The following ARMC2 variants were observed in gnomAD, a reference collection of about 807,000 sequenced individuals.
ARMC2 encodes armadillo repeat-containing protein 2.
ARMC2 carries 67 observed loss-of-function variants against 90.3 expected under a neutral mutation model. That is an observed-to-expected ratio of 0.74 (90% CI 0.61 to 0.91). The LOEUF (loss-of-function observed/expected upper bound fraction) is 0.91. ARMC2 is among the 40% of genes least tolerant of loss of function. The pLI, the probability that ARMC2 is intolerant of heterozygous loss-of-function variation, is 0.00. For missense variants in ARMC2, 920 were observed against 1,030.9 expected (o/e 0.89, Z 1.47); for synonymous variants, 393 against 393.0 (o/e 1.00, Z 0.00).
chr6:108,985,265 T>G, the ARMC2 span, among the ~76,000 whole-genome samples: 2 of 151,374 alleles, frequency 1.3e-5, no homozygotes, highest in Non-Finnish European at 3.0e-5. Flanking sequence ...TAATAAAAAA[T>G]TTTCCCAAAT....
At chr6:108,897,400 A>G (rs1440654562) in intron 6 of ARMC2, among the ~76,000 whole-genome samples, 1 of 152,232 alleles carries the variant, frequency 6.6e-6, no homozygotes, top group Non-Finnish European at 1.5e-5. Flanking sequence ...TCAATTTAGT[A>G]TCTGATGGTG....
the ARMC2 span, among the ~76,000 whole-genome samples, chr6:109,045,585 G>C: frequency 6.6e-6 from 1 of 152,170 alleles, no homozygotes; most frequent in African/African-American, 2.4e-5. Flanking sequence ...TCTCTGACCA[G>C]AGCACCTTAT....
At chr6:108,920,034 A>G (rs1025027970) in intron 10 of ARMC2, among the ~76,000 whole-genome samples, 1 of 152,200 alleles carries the variant, frequency 6.6e-6, no homozygotes, top group Non-Finnish European at 1.5e-5. Context: ...TACATTATCA[A>G]TAGGAATTGA....
intron 6 of ARMC2, among the ~76,000 whole-genome samples, chr6:108,896,427 A>T (rs534842614): frequency 6.6e-6 from 1 of 152,328 alleles, no homozygotes; most frequent in Non-Finnish European, 1.5e-5. Context: ...TGTGTATCTT[A>T]AAAAGCAATT....
At chr6:108,943,586 C>T (rs11962037) in intron 12 of ARMC2, among the ~76,000 whole-genome samples, 2,503 of 151,948 alleles carry the variant, frequency 0.016, 79 homozygotes, top group African/African-American at 0.059. Context: ...CAGCACTTTG[C>T]GGCAGATGGA....
chr6:108,912,602 T>TA, intron 10 of ARMC2, 44 bp downstream of exon 10: 1 of 1,513,846 alleles, frequency 6.6e-7, no homozygotes, highest in Non-Finnish European at 9.1e-7. Context: ...AAATTAGTTT[T>TA]CACATTGCCT....
the ARMC2 span, among the ~76,000 whole-genome samples, chr6:108,994,819 C>T: frequency 4.0e-5 from 6 of 151,302 alleles, no homozygotes; most frequent in Non-Finnish European, 5.9e-5. Flanking sequence ...TCTCCTGCCT[C>T]GGCCTCCCGA....
At chr6:109,031,449 A>T in the ARMC2 span, among the ~76,000 whole-genome samples, 1 of 152,128 alleles carries the variant, frequency 6.6e-6, no homozygotes, top group Non-Finnish European at 1.5e-5. Context: ...ACCTGCTGGA[A>T]TCATTCCTAG....
chr6:108,955,942 C>T (rs563907401), intron 13 of ARMC2, among the ~76,000 whole-genome samples: 87 of 152,288 alleles, frequency 5.7e-4, no homozygotes, highest in African/African-American at 2.0e-3. Flanking sequence ...CTGGCCCCTG[C>T]CCAGAAACTG....
intron 17 of ARMC2, among the ~76,000 whole-genome samples, chr6:108,966,293 G>A (rs1778366963): frequency 6.6e-6 from 1 of 151,780 alleles, no homozygotes; most frequent in Non-Finnish European, 1.5e-5. Context: ...AGACTCACCC[G>A]TGGAACTTTT....
chr6:108,865,272 C>G (rs192815624), intron 3 of ARMC2, among the ~76,000 whole-genome samples: 2 of 152,136 alleles, frequency 1.3e-5, no homozygotes, highest in East Asian at 3.9e-4. Flanking sequence ...CATGAGCCAC[C>G]GCACCTAGCC....
At chr6:108,952,946 A>G in intron 12 of ARMC2, 87 bp from the exon 13 acceptor site, 1 of 1,256,514 alleles carries the variant, frequency 8.0e-7, no homozygotes, top group Non-Finnish European at 1.1e-6. Context: ...TATTAATGCA[A>G]TTGTGAATAA....
At chr6:108,900,308 G>A (rs895535495) in intron 7 of ARMC2, among the ~76,000 whole-genome samples, 4 of 152,144 alleles carry the variant, frequency 2.6e-5, no homozygotes, top group East Asian at 1.9e-4. Flanking sequence ...CCACCCTTGC[G>A]CTCTGAACTG....
chr6:108,953,171 C>T lies in ARMC2; in HGVS notation c.1735C>T (p.His579Tyr). Residue 579 changes from histidine to tyrosine, a missense_variant, in exon 13 of 18, where the codon CAT becomes TAT. Coordinates refer to ENST00000392644, the MANE Select transcript of ARMC2 (RefSeq NM_032131.6). ...LFQTFHQLDL[H>Y]SQKPVGQRGE... Reference sequence around the variant, plus strand: ...CCAGACGTTCCATCAGCTGGATCTGCATTCCCAGAAGCCGGTGGGCCAACG... The same window carrying T: ...CCAGACGTTCCATCAGCTGGATCTGTATTCCCAGAAGCCGGTGGGCCAACG... 2 of 1,614,088 alleles carry T rather than the reference C, an allele frequency of 1.2e-6. No homozygotes were observed. Among genetic ancestry groups the T allele is most frequent in the Non-Finnish European group, 1.7e-6 (2 of 1,179,914 alleles).
intron 5 of ARMC2, among the ~76,000 whole-genome samples, chr6:108,883,348 G>A (rs1777777786): frequency 6.6e-6 from 1 of 152,166 alleles, no homozygotes; most frequent in South Asian, 2.1e-4. Flanking sequence ...AAAATGATGA[G>A]TCAAAATTCA....
At chr6:108,984,497 C>G in the ARMC2 span, among the ~76,000 whole-genome samples, 1 of 152,048 alleles carries the variant, frequency 6.6e-6, no homozygotes, top group Non-Finnish European at 1.5e-5. Context: ...GAGAGCAGAG[C>G]CCTCTTGATC....
At chr6:109,045,709 C>T in the ARMC2 span, among the ~76,000 whole-genome samples, 1 of 152,198 alleles carries the variant, frequency 6.6e-6, no homozygotes, top group Non-Finnish European at 1.5e-5. Context: ...TCATCCCCAA[C>T]CATCCAAAGC....
At chr6:108,862,430 T>G (rs1180867226) in intron 3 of ARMC2, among the ~76,000 whole-genome samples, 1 of 151,372 alleles carries the variant, frequency 6.6e-6, no homozygotes, top group Non-Finnish European at 1.5e-5. Context: ...GGAAAGTGAC[T>G]GCTTAATTTG....
chr6:108,970,540 C>G (rs1455451914), intron 17 of ARMC2, among the ~76,000 whole-genome samples: 2 of 148,428 alleles, frequency 1.3e-5, no homozygotes, highest in Non-Finnish European at 3.0e-5. Flanking sequence ...CACTGTCGCC[C>G]AGGCTGGAGT....
Sources: allele counts gnomAD v4.1 joint callset (sites outside exome capture counted in the v4.1 genomes callset), GRCh38; gene constraint gnomAD v4.1.1; transcripts MANE v1.5; gene names NCBI Gene and HGNC (gene_info 2026-07-23, HGNC 2026-07-21).